ARHGAP27: variants seen among roughly 807,000 people sequenced by gnomAD.
ARHGAP27 encodes the protein rho GTPase-activating protein 27.
In ARHGAP27, 53 loss-of-function variants were observed where a neutral mutation model predicts 102.0. The observed-to-expected ratio is 0.52, with a 90% CI of 0.42 to 0.65. The LOEUF (loss-of-function observed/expected upper bound fraction) is 0.65, where lower values mean the gene tolerates loss of function less well. ARHGAP27 is among the 30% of genes least tolerant of loss of function. The pLI is 0.00. For synonymous variants in ARHGAP27, 525 were observed against 542.8 expected (o/e 0.97, Z 0.46); for missense variants, 1,117 against 1,256.2 (o/e 0.89, Z 1.68).
chr17:45,404,108 AAG>A lies in ARHGAP27; in HGVS notation c.1480-14_1480-13del, dbSNP rs768691717. The A allele has an allele frequency of 2.7e-5, 44 of 1,613,896 alleles. No individual in the cohort carries two copies. Among genetic ancestry groups the A allele is most frequent in the Non-Finnish European group, 3.3e-5 (39 of 1,179,998 alleles). On this transcript the variant is annotated splice_polypyrimidine_tract_variant and intron_variant, in intron 9 of 19. Transcript: ENST00000685559. The stretch of plus-strand genomic sequence containing the variant: ...TCCAAGGTCTTGGTCTAAGAGAGAG[AAG>A]AGAGAGCAGGCGCAAGAGTGTGTAG...
Position 45,427,066 on chromosome 17 carries a change from G to A in ARHGAP27, c.657+2557C>T, listed in dbSNP as rs750147606. Among the ~76,000 whole-genome samples the A allele has an allele frequency of 3.3e-5, 5 of 151,964 alleles. No individual in the cohort carries two copies. The highest frequency in any genetic ancestry group is 6.5e-5 in the Admixed American group (1 of 15,278). On this transcript the variant is annotated intron_variant, in intron 4 of 19. Coordinates refer to ENST00000685559, the MANE Select transcript of ARHGAP27 (RefSeq NM_001282290.2). This position sits in a 1 kb window ranked among gnomAD's most constrained non-coding sequence, Gnocchi z 4.5. ...AAGCAGCACCACTGTCTGCCCACGA[G>A]TGCCAGCTGGGAATCTAGAACTCAA...
Position 45,405,781 on chromosome 17 carries a change from G to C in ARHGAP27, c.960C>G (p.Asn320Lys). ...CCCAGGCCGTCTCGCCCGTCAGCGGGTTGTAGAAGAACACCCTGCGGCTCT... is the reference window on the plus strand; with the variant it reads ...CCCAGGCCGTCTCGCCCGTCAGCGGCTTGTAGAAGAACACCCTGCGGCTCT... ...DEESRRVFFY[N>K]PLTGETAWED... Residue 320 changes from asparagine to lysine, a missense_variant, in exon 5 of 20, where the codon AAC (asparagine) becomes AAG (lysine). Asn to Lys is a moderately conservative substitution (Grantham distance 94, BLOSUM62 0). This residue lies in a region of ARHGAP27 where 610 missense variants were observed against 716.4 expected (regional missense o/e 0.85). Transcript: ENST00000685559. The C allele has an allele frequency of 1.9e-6, 3 of 1,565,726 alleles. No homozygotes were observed. Among genetic ancestry groups the C allele is most frequent in the Non-Finnish European group, 2.6e-6 (3 of 1,161,966 alleles).
chr17:45,400,064 G>T (rs748186287), intron 12 of ARHGAP27, among the ~76,000 whole-genome samples: 1 of 152,118 alleles, frequency 6.6e-6, no homozygotes, highest in African/African-American at 2.4e-5. Context: ...TGGGGAGGCT[G>T]AAGTGACAGC....
At chr17:45,400,349 G>T (rs2046291587) in intron 12 of ARHGAP27, among the ~76,000 whole-genome samples, 1 of 152,136 alleles carries the variant, frequency 6.6e-6, no homozygotes, top group East Asian at 1.9e-4. Context: ...TGTCTCTTGA[G>T]GAAAACCCTG....
intron 4 of ARHGAP27, among the ~76,000 whole-genome samples, chr17:45,422,562 A>C (rs1421433681): frequency 1.3e-5 from 2 of 152,204 alleles, no homozygotes; most frequent in African/African-American, 2.4e-5. Context: ...AGAAGGGTGA[A>C]ATTTAAGGTT....
In ARHGAP27 at chr17:45,404,662, G is replaced by A; in HGVS notation, c.1268C>T (p.Pro423Leu). ...TQEQWVRLED[P>L]HGKPYFYNPE... ...ATTGTAGAAGTATGGCTTCCCGTGGGGGTCCTCCAGCCTCACCCACTGTGG... is the reference window on the plus strand; with the variant it reads ...ATTGTAGAAGTATGGCTTCCCGTGGAGGTCCTCCAGCCTCACCCACTGTGG... The change falls in exon 7 of 20, where the codon CCC becomes CTC. Residue 423 changes from proline (P) to leucine (L), a missense_variant. Pro to Leu is a moderately conservative substitution (Grantham distance 98, BLOSUM62 -3). Transcript: ENST00000685559. 6.2e-7 allele frequency: 1 copy of A among 1,612,668 alleles called. No homozygotes were observed. Among genetic ancestry groups the A allele is most frequent in the South Asian group, 1.1e-5 (1 of 90,976 alleles).
chr17:45,405,860 G>A lies in ARHGAP27; in HGVS notation c.881C>T (p.Ser294Leu), dbSNP rs769314831. ...CTCAAGGCTCACGTGGCTGTCCACC[G>A]AGGCAGGGGAGGTGGCTGGGCTGGC... ...GAASPATSPA[S>L]VDSHVSLETE... The change falls in exon 5 of 20, where the codon TCG (serine) becomes TTG (leucine). Residue 294 changes from serine to leucine, a missense_variant. Physicochemically the swap from Ser to Leu is moderately radical, Grantham distance 145. Around this residue, in one of 3 missense-constraint regions of ARHGAP27, gnomAD observed 610 missense variants for 716.4 expected, o/e 0.85. Coordinates refer to ENST00000685559, the MANE Select transcript of ARHGAP27 (RefSeq NM_001282290.2). 11 of 1,536,188 alleles carry A rather than the reference G, an allele frequency of 7.2e-6. No homozygotes were observed. The South Asian group carries it at 1.3e-4, about 18-fold the overall frequency.
At chr17:45,399,836 C>CA (rs1358702778) in intron 12 of ARHGAP27, among the ~76,000 whole-genome samples, 3 of 152,120 alleles carry the variant, frequency 2.0e-5, no homozygotes, top group Admixed American at 6.5e-5. Context: ...ATATAGAGGG[C>CA]AAAGCTGTAT....
intron 11 of ARHGAP27, 116 bp downstream of exon 11, chr17:45,403,503 A>T (rs1485792550): frequency 3.5e-6 from 3 of 866,526 alleles, no homozygotes; most frequent in Non-Finnish European, 5.3e-6. Context: ...GTGAGCCGAG[A>T]TTACACCACT....
intron 11 of ARHGAP27, among the ~76,000 whole-genome samples, chr17:45,403,156 C>T (rs902830631): frequency 5.3e-5 from 8 of 152,246 alleles, no homozygotes; most frequent in Admixed American, 4.6e-4. Flanking sequence ...GCTAAAACTA[C>T]TTGTCTTGGA....
rs997897017 is a variant in ARHGAP27, at chr17:45,427,692, G to A, written c.657+1931C>T. On this transcript the variant is annotated intron_variant, in intron 4 of 19. Transcript: ENST00000685559. The surrounding 1 kb of genome is among the most constrained non-coding windows in gnomAD (Gnocchi z 4.5). ...GGTATTATTGCACACATCGCACAGG[G>A]GAGGAAACAGGACCAGAGATGCAAA... 6.6e-6 allele frequency among the ~76,000 whole-genome samples: 1 copy of A among 152,172 alleles called. No individual in the cohort carries two copies. Among genetic ancestry groups the A allele is most frequent in the Non-Finnish European group, 1.5e-5 (1 of 68,022 alleles).
At chr17:45,417,974 A>G (rs568701388) in intron 4 of ARHGAP27, among the ~76,000 whole-genome samples, 6,488 of 150,680 alleles carry the variant, frequency 0.043, 211 homozygotes, top group Non-Finnish European at 0.07. Context: ...GAATGGCGTG[A>G]ACTCGGGAGC....
chr17:45,398,749 A>G (rs1488665438), intron 12 of ARHGAP27, among the ~76,000 whole-genome samples: 6 of 151,902 alleles, frequency 3.9e-5, no homozygotes, highest in Non-Finnish European at 8.8e-5. Flanking sequence ...AAAAAAAACA[A>G]AACAAAACCC....
intron 11 of ARHGAP27, 28 bp from the exon 12 acceptor site, chr17:45,402,846 G>A: frequency 6.4e-7 from 1 of 1,573,202 alleles, no homozygotes; most frequent in Non-Finnish European, 8.7e-7. Flanking sequence ...AGGTCACAGG[G>A]AGCCCTCAGT....
At chr17:45,403,357 C>G (rs2046683699) in intron 11 of ARHGAP27, among the ~76,000 whole-genome samples, 1 of 152,112 alleles carries the variant, frequency 6.6e-6, no homozygotes, top group East Asian at 1.9e-4. Flanking sequence ...GTCAAGAGTC[C>G]AAGACCAGTC....
chr17:45,402,686 C>T (rs906087881), intron 12 of ARHGAP27, 28 bp downstream of exon 12: 2 of 1,576,054 alleles, frequency 1.3e-6, no homozygotes, highest in East Asian at 2.2e-5. Context: ...AAGCCCCTTC[C>T]CTCCTTCTCC....
chr17:45,413,771 A>G (rs1437659552), intron 4 of ARHGAP27, among the ~76,000 whole-genome samples: 1 of 152,132 alleles, frequency 6.6e-6, no homozygotes, highest in Non-Finnish European at 1.5e-5. Flanking sequence ...TAAGGCTGGC[A>G]GACACCCAGC....
At chr17:45,402,221 A>G (rs1441893833) in intron 12 of ARHGAP27, among the ~76,000 whole-genome samples, 1 of 152,164 alleles carries the variant, frequency 6.6e-6, no homozygotes, top group Non-Finnish European at 1.5e-5. Context: ...GGCCTGTCAC[A>G]GTAAGCAGCC....
rs866406678 is a variant in ARHGAP27, at chr17:45,407,519, C to T, written c.658-1436G>A. 260 of 143,044 alleles carry T rather than the reference C, an allele frequency of 1.8e-3. 2 individuals carry two copies. Among genetic ancestry groups the T allele is most frequent in the African/African-American group, 5.9e-3 (230 of 38,810 alleles). 8.9% of individuals were successfully genotyped at this position (143,044 alleles called of 1,614,324 possible). A position where few individuals can be genotyped will look rare whatever the true frequency, so the allele number is the denominator to read the frequency against. On this transcript the variant is annotated intron_variant, in intron 4 of 19. Transcript: ENST00000685559. ...TTTTCTTTTTCTTTTTCTTTTTTTTCTTTTTTTTTTTTTGAGATGGAGTCT... is the reference window on the plus strand; with the variant it reads ...TTTTCTTTTTCTTTTTCTTTTTTTTTTTTTTTTTTTTTTGAGATGGAGTCT...
Sources: allele counts gnomAD v4.1 joint callset (sites outside exome capture counted in the v4.1 genomes callset), GRCh38; gene constraint gnomAD v4.1.1; regional missense constraint gnomAD v4.1.1; non-coding constraint Gnocchi (gnomAD v3.1); transcripts MANE v1.5; gene names NCBI Gene and HGNC (gene_info 2026-07-23, HGNC 2026-07-21).